SLAIN2: variants seen among roughly 807,000 people sequenced by gnomAD.
The protein encoded by SLAIN2 is SLAIN motif-containing protein 2.
A neutral mutation model predicts 56.6 loss-of-function variants in SLAIN2; 31 were observed. The observed-to-expected ratio is 0.55, with a 90% confidence interval of 0.41 to 0.74. The LOEUF (loss-of-function observed/expected upper bound fraction) is 0.74, where lower values mean the gene tolerates loss of function less well. Ranked by LOEUF, SLAIN2 falls within the 30% of genes least tolerant of loss-of-function variation. SLAIN2 has a pLI of 0.00. For missense variants in SLAIN2, 777 were observed against 754.2 expected, an observed-to-expected ratio of 1.03 and a Z score of -0.35; for synonymous variants, 317 against 284.9, an observed-to-expected ratio of 1.11 and a Z score of -1.13.
intron 1 of SLAIN2, among the ~76,000 whole-genome samples, chr4:48,363,147 TC>T: frequency 2.5e-5 from 1 of 40,680 alleles, no homozygotes; most frequent in South Asian, 1.3e-3. Flanking sequence ...ATGAAAAGTC[TC>T]CCATGTCTAC....
intron 6 of SLAIN2, among the ~76,000 whole-genome samples, chr4:48,415,367 G>C (rs1327597130): frequency 1.5e-5 from 1 of 66,428 alleles, no homozygotes; most frequent in Non-Finnish European, 3.4e-5. Flanking sequence ...CTTTTGAGAA[G>C]TGTCTGTTCA....
At chr4:48,368,967 T>C (rs1377417455) in intron 1 of SLAIN2, among the ~76,000 whole-genome samples, 1 of 152,248 alleles carries the variant, frequency 6.6e-6, no homozygotes, top group Non-Finnish European at 1.5e-5. Context: ...CAACACTTCA[T>C]GTTATTACAC....
In SLAIN2 at chr4:48,382,693, A is replaced by T; in HGVS notation, c.988A>T (p.Asn330Tyr). ...ACAAAGTTTAGATGATGAAGATGAC[A>T]ATATGCATCATGCAGTATACCCTGC... Reference protein sequence around the residue: ...DAQSLDDEDDNMHHAVYPAVN... With the variant: ...DAQSLDDEDDYMHHAVYPAVN... The change falls in exon 5 of 8, where the codon AAT becomes TAT. Residue 330 changes from asparagine (N) to tyrosine (Y), a missense_variant. Asn to Tyr is a moderately radical substitution (Grantham distance 143). Coordinates refer to ENST00000264313, the MANE Select transcript of SLAIN2 (RefSeq NM_020846.2). 6.2e-7 allele frequency: 1 copy of T among 1,613,916 alleles called. No individual in the cohort carries two copies.
chr4:48,372,965 T>C (rs1366704653), intron 2 of SLAIN2, among the ~76,000 whole-genome samples: 1 of 152,150 alleles, frequency 6.6e-6, no homozygotes, highest in East Asian at 1.9e-4. Flanking sequence ...AGAACAGTTA[T>C]TACTCCTTCA....
chr4:48,354,485 C>T (rs1715100221), intron 1 of SLAIN2, among the ~76,000 whole-genome samples: 1 of 151,358 alleles, frequency 6.6e-6, no homozygotes, highest in Non-Finnish European at 1.5e-5. Flanking sequence ...TTTCCCCCCT[C>T]AGGCTGAGTC....
intron 6 of SLAIN2, among the ~76,000 whole-genome samples, chr4:48,394,148 C>G (rs1192994144): frequency 6.6e-6 from 1 of 152,172 alleles, no homozygotes; most frequent in Admixed American, 6.5e-5. Context: ...ATTATGGTTT[C>G]ACATTAGGGC....
chr4:48,371,974 ACACACACACACACACGCGCG>A (rs1198445897), intron 2 of SLAIN2, among the ~76,000 whole-genome samples: 1 of 10,704 alleles, frequency 9.3e-5, no homozygotes, highest in Non-Finnish European at 1.5e-4. Flanking sequence ...AAGTATATAC[ACACACACACACACACGCGCG>A]CACACACACA....
chr4:48,422,140 C>G lies in SLAIN2; in HGVS notation c.*63C>G, dbSNP rs142036147. 4.4e-3 allele frequency: 5,931 copies of G among 1,338,342 alleles called. 30 individuals are homozygous for G. Among genetic ancestry groups the G allele is most frequent in the Non-Finnish European group, 4.4e-3 (4,214 of 947,536 alleles). 82.9% of individuals were successfully genotyped at this position (1,338,342 alleles called of 1,614,324 possible). On this transcript the variant is annotated 3_prime_UTR_variant, in exon 8 of 8. Transcript: ENST00000264313. ...GGATACCCTTCACCAGGCTAAAAAACAACTTTTATATGCAGACTGTTCAGA... is the reference window on the plus strand; with the variant it reads ...GGATACCCTTCACCAGGCTAAAAAAGAACTTTTATATGCAGACTGTTCAGA...
chr4:48,381,286 G>C (rs564436411), intron 4 of SLAIN2, among the ~76,000 whole-genome samples: 2 of 152,196 alleles, frequency 1.3e-5, no homozygotes, highest in South Asian at 4.1e-4. Context: ...CCACATGCAT[G>C]AATATTTATT....
intron 6 of SLAIN2, among the ~76,000 whole-genome samples, chr4:48,403,670 G>C (rs1716616564): frequency 6.6e-6 from 1 of 152,230 alleles, no homozygotes; most frequent in Non-Finnish European, 1.5e-5. Flanking sequence ...TTCCAAGCCA[G>C]TAGGTCTTGT....
chr4:48,388,910 G>A (rs1338171662), intron 6 of SLAIN2, among the ~76,000 whole-genome samples: 1 of 152,180 alleles, frequency 6.6e-6, no homozygotes, highest in African/African-American at 2.4e-5. Flanking sequence ...CAGAGAAAAT[G>A]CATATAGCAT....
At chr4:48,363,757 CACCT>C (rs1560452637) in intron 1 of SLAIN2, among the ~76,000 whole-genome samples, 2 of 110,906 alleles carry the variant, frequency 1.8e-5, no homozygotes, top group Non-Finnish European at 2.1e-5. Flanking sequence ...TGACCCCCCC[CACCT>C]CCCTCCCGGA....
intron 1 of SLAIN2, among the ~76,000 whole-genome samples, chr4:48,356,500 AC>A (rs1217546691): frequency 1.3e-5 from 2 of 152,314 alleles, no homozygotes; most frequent in African/African-American, 4.8e-5. Flanking sequence ...CTGAAAAGAT[AC>A]GTGCTAGTAT....
chr4:48,347,210 A>G (rs1343211145), intron 1 of SLAIN2, among the ~76,000 whole-genome samples: 2 of 150,434 alleles, frequency 1.3e-5, no homozygotes, highest in Non-Finnish European at 2.9e-5. Context: ...GCATTTTGCA[A>G]GACAGCAGTC....
In SLAIN2 at chr4:48,423,777, T is replaced by G. The variant is rs987688437; in HGVS notation, c.*1700T>G. ...TAATGCAAGGAAGAAACTTTATCCT[T>G]GAATTTGAGGGTGATGGGGTGGGTC... On this transcript the variant is annotated 3_prime_UTR_variant, in exon 8 of 8. Transcript: ENST00000264313. 6.6e-6 allele frequency: 1 copy of G among 152,094 alleles called. No homozygotes were observed. The highest frequency in any genetic ancestry group is 1.5e-5 in the Non-Finnish European group (1 of 68,004). 9.4% of individuals were successfully genotyped at this position (152,094 alleles called of 1,614,324 possible). A position where few individuals can be genotyped will look rare whatever the true frequency, so the allele number is the denominator to read the frequency against.
chr4:48,405,326 A>G (rs778339759), intron 6 of SLAIN2, among the ~76,000 whole-genome samples: 37 of 152,050 alleles, frequency 2.4e-4, no homozygotes, highest in Non-Finnish European at 2.2e-4. Context: ...TTTTTTGTAT[A>G]GTTTTATCAT....
Position 48,377,809 on chromosome 4 carries a change from T to C in SLAIN2, c.539-87T>C, listed in dbSNP as rs1016730471. ...TCTTCATTTAAATTGAGATAATGAT[T>C]TAGTTTTCTAATAGGAAAACTTCAG... On this transcript the variant is annotated intron_variant, in intron 2 of 7. Transcript: ENST00000264313. The C allele has an allele frequency of 3.3e-6, 4 of 1,223,120 alleles. No homozygotes were observed. The African/African-American group carries it at 6.2e-5, about 19-fold the overall frequency. The allele number at this position is 1,223,120 out of a possible 1,614,324, so 75.8% of individuals were successfully genotyped here.
chr4:48,392,467 T>C (rs764408462), intron 6 of SLAIN2, among the ~76,000 whole-genome samples: 1 of 152,210 alleles, frequency 6.6e-6, no homozygotes, highest in Non-Finnish European at 1.5e-5. Flanking sequence ...TTTTTTTTAA[T>C]GGTTAACAGT....
At chr4:48,418,440 C>G (rs1717057770) in intron 6 of SLAIN2, among the ~76,000 whole-genome samples, 2 of 152,024 alleles carry the variant, frequency 1.3e-5, no homozygotes, top group Non-Finnish European at 2.9e-5. Flanking sequence ...CATCCTGTTA[C>G]TGTGGATTAC....
Sources: gnomAD v4.1 joint callset for allele counts (sites outside exome capture counted in the v4.1 genomes callset) on GRCh38, gnomAD v4.1.1 for gene constraint, MANE v1.5 for transcripts, NCBI Gene and HGNC (gene_info 2026-07-23, HGNC 2026-07-21) for gene names.